ZNF44: variants seen among roughly 807,000 people sequenced by gnomAD.
ZNF44 encodes gonadotropin inducible transcription repressor-2.
A neutral mutation model predicts 11.7 loss-of-function variants in ZNF44; 9 were observed. That is an observed-to-expected ratio of 0.77 (90% CI 0.46 to 1.35). ZNF44 has a LOEUF of 1.35. ZNF44 is among the 40% of genes most tolerant of loss of function. ZNF44 has a pLI of 0.00. For synonymous variants in ZNF44, 224 were observed against 242.7 expected (o/e 0.92, Z 0.72); for missense variants, 696 against 743.1 (o/e 0.94, Z 0.74).
At chr19:12,260,262 A>T in intron 5 of ZNF44, 1 of 825,800 alleles carries the variant, frequency 1.2e-6, no homozygotes, top group South Asian at 1.4e-5. Context: ...GATTCACCAC[A>T]AGACTGTGGG....
chr19:12,276,306 T>C, intron 1 of ZNF44: 3 of 620,204 alleles, frequency 4.8e-6, no homozygotes, highest in Admixed American at 2.2e-5. Flanking sequence ...ATATCTCTTA[T>C]TGGTGAATTA....
downstream of ZNF44, among the ~76,000 whole-genome samples, chr19:12,270,113 C>A (rs562150862): frequency 6.6e-6 from 1 of 151,964 alleles, no homozygotes; most frequent in East Asian, 1.9e-4. Flanking sequence ...TTCTTCCATC[C>A]CATTCTTCAT....
chr19:12,243,516 G>A (rs1180386199), downstream of ZNF44, among the ~76,000 whole-genome samples: 2 of 152,196 alleles, frequency 1.3e-5, no homozygotes, highest in Admixed American at 6.5e-5. Flanking sequence ...TTTTACGGCT[G>A]AGTAATATTC....
intron 5 of ZNF44, chr19:12,266,176 A>C: frequency 1.2e-6 from 1 of 860,482 alleles, no homozygotes; most frequent in African/African-American, 1.8e-5. Context: ...CTAGAGCCCC[A>C]GACCCCGGAG....
At chr19:12,294,410 T>A (rs946045993) in intron 1 of ZNF44, among the ~76,000 whole-genome samples, 5 of 152,348 alleles carry the variant, frequency 3.3e-5, no homozygotes, top group South Asian at 2.1e-4. Context: ...CGCCGCACAA[T>A]CTGGGGAGAA....
At chr19:12,243,390 G>A (rs754356091), downstream of ZNF44, among the ~76,000 whole-genome samples, 8 of 152,148 alleles carry the variant, frequency 5.3e-5, no homozygotes, top group South Asian at 6.2e-4. Context: ...CCTCTGCCTC[G>A]GAGTTTAAGT....
chr19:12,236,567 A>G (rs918731963), intron 1 of ZNF44, among the ~76,000 whole-genome samples: 3 of 152,202 alleles, frequency 2.0e-5, no homozygotes, highest in Non-Finnish European at 1.5e-5. Flanking sequence ...GGCCCATGAA[A>G]TAAAACTGAA....
At chr19:12,283,530 C>G (rs1024168182) in intron 1 of ZNF44, among the ~76,000 whole-genome samples, 1 of 152,032 alleles carries the variant, frequency 6.6e-6, no homozygotes. Flanking sequence ...GGGGTTTCAC[C>G]GTATTAGCCA....
exon 8 of ZNF44, chr19:12,248,161 G>T (rs771366661): frequency 9.2e-6 from 12 of 1,304,758 alleles, no homozygotes; most frequent in Non-Finnish European, 1.0e-5. Context: ...GCAGAATGGC[G>T]GTAAATGAAG....
chr19:12,262,311 C>G (rs941587683), intron 5 of ZNF44, among the ~76,000 whole-genome samples: 3 of 151,860 alleles, frequency 2.0e-5, no homozygotes, highest in African/African-American at 7.3e-5. Context: ...CACTTTGATG[C>G]CCAGGCTGGA....
intron 6 of ZNF44, chr19:12,250,187 G>T: frequency 7.7e-7 from 1 of 1,296,734 alleles, no homozygotes; most frequent in South Asian, 1.2e-5. Context: ...TGATATCCAA[G>T]AAAAAGGTAT....
At chr19:12,227,994 T>C (rs1054314419) in intron 3 of ZNF44, among the ~76,000 whole-genome samples, 1 of 152,220 alleles carries the variant, frequency 6.6e-6, no homozygotes, top group Admixed American at 6.5e-5. Flanking sequence ...TTTAACCCTT[T>C]ATAATTTTTG....
chr19:12,226,404 A>G (rs535831508), exon 4 of ZNF44: 2 of 152,368 alleles, frequency 1.3e-5, no homozygotes, highest in Middle Eastern at 3.4e-3. Flanking sequence ...GGGACTGTAC[A>G]TGAAATCTGA....
chr19:12,259,237 T>C (rs1311114221), intron 5 of ZNF44, among the ~76,000 whole-genome samples: 1 of 152,140 alleles, frequency 6.6e-6, no homozygotes, highest in African/African-American at 2.4e-5. Context: ...GCCAACACAA[T>C]AGTTATGATG....
exon 8 of ZNF44, chr19:12,248,544 C>T: frequency 7.7e-7 from 1 of 1,290,964 alleles, no homozygotes; most frequent in Non-Finnish European, 1.0e-6. Context: ...CAAGACTTTT[C>T]CACATACACT....
chr19:12,265,469 G>T (rs1917694022), intron 5 of ZNF44, among the ~76,000 whole-genome samples: 1 of 151,968 alleles, frequency 6.6e-6, no homozygotes, highest in African/African-American at 2.4e-5. Context: ...GAAATATTTT[G>T]TACCATCCTT....
chr19:12,241,636 A>C (rs138238959), upstream of ZNF44, among the ~76,000 whole-genome samples: 1 of 152,208 alleles, frequency 6.6e-6, no homozygotes, highest in Non-Finnish European at 1.5e-5. Context: ...TGGAGGTTTC[A>C]GTGAGCCAAG....
downstream of ZNF44, among the ~76,000 whole-genome samples, chr19:12,270,859 C>T (rs2145717584): frequency 6.6e-6 from 1 of 152,264 alleles, no homozygotes; most frequent in East Asian, 1.9e-4. Flanking sequence ...GTGCTTACTG[C>T]AGAGGCTGTA....
downstream of ZNF44, among the ~76,000 whole-genome samples, chr19:12,245,009 G>GTA (rs1568425259): frequency 6.6e-6 from 1 of 152,190 alleles, no homozygotes; most frequent in East Asian, 1.9e-4. Context: ...TGTGATTCTA[G>GTA]TGGTCTCTGG....
Sources: gnomAD v4.1 joint callset for allele counts (sites outside exome capture counted in the v4.1 genomes callset) on GRCh38, gnomAD v4.1.1 for gene constraint, MANE v1.5 for transcripts, NCBI Gene and HGNC (gene_info 2026-07-23, HGNC 2026-07-21) for gene names.